Variants in CROCC2 observed in about 807,000 individuals in gnomAD.
CROCC2 encodes the protein ciliary rootlet coiled-coil, rootletin family member 2.
CROCC2 carries 163 observed loss-of-function variants against 177.6 expected under a neutral mutation model. That is an observed-to-expected ratio of 0.92 (90% CI 0.81 to 1.05). The LOEUF is 1.05. CROCC2 is among the 50% of genes least tolerant of loss of function. The pLI is 0.00. For synonymous variants in CROCC2, 904 were observed against 787.3 expected (o/e 1.15, Z -2.48); for missense variants, 1,929 against 1,797.8 (o/e 1.07, Z -1.32).
chr2:240,932,192 C>T (rs1189497434), intron 7 of CROCC2, 126 bp from the exon 8 acceptor site: 23 of 616,852 alleles, frequency 3.7e-5, no homozygotes, highest in Admixed American at 1.1e-4. Context: ...GCCACTCAGA[C>T]GGAGGCATCA....
intron 18 of CROCC2, among the ~76,000 whole-genome samples, chr2:240,952,163 TAGTGAAACCC>T (rs1220754281): frequency 6.6e-6 from 1 of 151,958 alleles, no homozygotes; most frequent in African/African-American, 2.4e-5. Context: ...CTGGCCAACA[TAGTGAAACCC>T]AGTCTCTACT....
chr2:240,963,509 G>T lies in CROCC2; in HGVS notation c.3088-47G>T, dbSNP rs564342324. On this transcript the variant is annotated intron_variant, in intron 20 of 31. Transcript: ENST00000690015. ...CCACAGGCCCCTGTGGCTATCCCTG[G>T]AGCAGTGGTCCCCAGCGGGCCTCTA... 2.5e-4 allele frequency: 374 copies of T among 1,466,892 alleles called. 5 individuals carry two copies. In the South Asian group the frequency reaches 4.5e-3, roughly 18 times the overall value. The allele number at this position is 1,466,892 out of a possible 1,614,324, so 90.9% of individuals were successfully genotyped here. A position where few individuals can be genotyped will look rare whatever the true frequency, so the allele number is the denominator to read the frequency against.
In CROCC2 at chr2:240,965,840, C is replaced by T. The variant is rs1157305987; in HGVS notation, c.3808C>T (p.His1270Tyr). 6.9e-7 allele frequency: 1 copy of T among 1,454,008 alleles called. No homozygotes were observed. Among genetic ancestry groups the T allele is most frequent in the East Asian group, 2.5e-5 (1 of 39,696 alleles). The allele number at this position is 1,454,008 out of a possible 1,614,324, so 90.1% of individuals were successfully genotyped here. A position where few individuals can be genotyped will look rare whatever the true frequency, so the allele number is the denominator to read the frequency against. The change falls in exon 24 of 32, where the codon CAC becomes TAC. Residue 1270 changes from histidine to tyrosine, a missense_variant. Coordinates refer to ENST00000690015, the MANE Select transcript of CROCC2 (RefSeq NM_001351305.2). The stretch of plus-strand genomic sequence containing the variant: ...CCTGGACCAGGCCTGTCACCGAATC[C>T]ACAGCCTGGAGCAGGAGCTGGCCCA... The part of the protein sequence containing the change: ...ARLDQACHRI[H>Y]SLEQELAQAE...
intron 15 of CROCC2, 149 bp downstream of exon 15, chr2:240,946,402 C>A: frequency 1.2e-6 from 1 of 832,118 alleles, no homozygotes; most frequent in Non-Finnish European, 1.8e-6. Context: ...TGGAGGCGAG[C>A]ACAGAGCCTT....
chr2:240,990,874 C>T (rs781317838), intron 30 of CROCC2, among the ~76,000 whole-genome samples: 5 of 152,074 alleles, frequency 3.3e-5, no homozygotes, highest in Non-Finnish European at 5.9e-5. Flanking sequence ...GGATTACAGG[C>T]GTGAGCCACT....
At position 240,953,540 on chromosome 2, in the gene CROCC2, G is replaced by A. The variant is rs927206096; in HGVS notation, c.2830-2319G>A. 2.0e-5 allele frequency among the ~76,000 whole-genome samples: 3 copies of A among 152,304 alleles called. No homozygotes were observed. Among genetic ancestry groups the A allele is most frequent in the South Asian group, 2.1e-4 (1 of 4,826 alleles). Reference sequence around the variant, plus strand: ...GGCACCCCAGGGGCACAGCACAGACGGGCTGGCCTGTGGGGAGCCCTTGCC... The same window carrying A: ...GGCACCCCAGGGGCACAGCACAGACAGGCTGGCCTGTGGGGAGCCCTTGCC... On this transcript the variant is annotated intron_variant, in intron 18 of 31. Transcript: ENST00000690015. The surrounding 1 kb of genome is among the most constrained non-coding windows in gnomAD (Gnocchi z 4.0).
intron 10 of CROCC2, 107 bp from the exon 11 acceptor site, chr2:240,933,563 T>C: frequency 1.1e-5 from 14 of 1,322,926 alleles, no homozygotes; most frequent in Non-Finnish European, 1.4e-5. Flanking sequence ...CCTCTGCCCA[T>C]GCAGTCTCAG....
At chr2:240,936,826 T>C (rs2059474102) in intron 14 of CROCC2, among the ~76,000 whole-genome samples, 1 of 152,244 alleles carries the variant, frequency 6.6e-6, no homozygotes, top group Admixed American at 6.5e-5. Context: ...TTATGTTGCA[T>C]TGTGTGACAC....
At chr2:240,916,242 T>C (rs1353222691) in intron 1 of CROCC2, among the ~76,000 whole-genome samples, 4 of 151,640 alleles carry the variant, frequency 2.6e-5, no homozygotes, top group Admixed American at 2.6e-4. Context: ...CTTCCCCTCC[T>C]CTCCCATCCC....
At chr2:240,920,222 CTGGG>C in intron 3 of CROCC2, 88 bp downstream of exon 3, 1 of 588,688 alleles carries the variant, frequency 1.7e-6, no homozygotes, top group South Asian at 2.0e-5. Flanking sequence ...CAGTCAGAGC[CTGGG>C]ACCATCGGCA....
intron 28 of CROCC2, 56 bp downstream of exon 28, chr2:240,983,085 TA>T: frequency 6.7e-7 from 1 of 1,498,422 alleles, no homozygotes; most frequent in Non-Finnish European, 9.0e-7. Context: ...TGAACAGGCC[TA>T]CAGGGAAGAG....
Position 240,932,815 on chromosome 2 carries a change from G to A in CROCC2, c.1158G>A (p.Gly386=). The A allele has an allele frequency of 1.3e-6, 2 of 1,536,630 alleles. No individual in the cohort carries two copies. Among genetic ancestry groups the A allele is most frequent in the East Asian group, 2.5e-5 (1 of 40,804 alleles). Residue 386 remains glycine (G), a synonymous_variant, in exon 9 of 32, where the codon GGG becomes GGA. Transcript: ENST00000690015. ...AACGTGCCACATCCCCCCATCAAGG[G>A]GCGTCCCCACCACACATCTGCTCCC... ...SPQRATSPHQ[G]ASPPHICSPA... is the part of the protein sequence containing the mutation.
intron 17 of CROCC2, among the ~76,000 whole-genome samples, chr2:240,950,085 T>G (rs1413364697): frequency 6.6e-6 from 1 of 152,166 alleles, no homozygotes; most frequent in South Asian, 2.1e-4. Flanking sequence ...GCAGGTGCAC[T>G]GCAGAGACTC....
rs1418962657 is a variant in CROCC2, at chr2:240,917,897, C to T, written c.79-829C>T. On this transcript the variant is annotated intron_variant, in intron 1 of 31. Coordinates refer to ENST00000690015, the MANE Select transcript of CROCC2 (RefSeq NM_001351305.2). This position sits in a 1 kb window ranked among gnomAD's most constrained non-coding sequence, Gnocchi z 4.9. ...TAATCTATTTCACCTGGCAGGAGTC[C>T]CCTGCCCTGGGGTCCCGGCCCTCCC... Among the ~76,000 whole-genome samples the T allele has an allele frequency of 2.6e-5, 4 of 152,148 alleles. No homozygotes were observed. Among genetic ancestry groups the T allele is most frequent in the African/African-American group, 9.7e-5 (4 of 41,438 alleles).
rs765654807 is a variant in CROCC2, at chr2:240,964,585, G to T, written c.3425G>T (p.Gly1142Val). 156 of 1,548,016 alleles carry T rather than the reference G, an allele frequency of 1.0e-4. No individual in the cohort carries two copies. The highest frequency in any genetic ancestry group is 1.2e-4 in the Non-Finnish European group (140 of 1,145,834). ...RAHLWELEQA[G>V]GDARQELREL... ...CACCTGTGGGAGCTGGAGCAGGCAG[G>T]GGGGGACGCCCGTCAGGAGCTCCGG... The change falls in exon 22 of 32, where the codon GGG becomes GTG. Residue 1142 changes from glycine (G) to valine (V), a missense_variant. Physicochemically the swap from Gly to Val is moderately radical, Grantham distance 109. This residue lies in a region of CROCC2 where 1,397 missense variants were observed against 1,239.9 expected (regional missense o/e 1.13). Coordinates refer to ENST00000690015, the MANE Select transcript of CROCC2 (RefSeq NM_001351305.2).
At position 240,965,371 on chromosome 2, in the gene CROCC2, A is replaced by T. The variant is rs901713992; in HGVS notation, c.3466-10A>T. On this transcript the variant is annotated splice_polypyrimidine_tract_variant and intron_variant, in intron 22 of 31. Coordinates refer to ENST00000690015, the MANE Select transcript of CROCC2 (RefSeq NM_001351305.2). Reference sequence around the variant, plus strand: ...CCAGTGACCCTGTCCGTGCGGCCCCACGCTCCCAGGTGAGGACACTGAAGG... The same window carrying T: ...CCAGTGACCCTGTCCGTGCGGCCCCTCGCTCCCAGGTGAGGACACTGAAGG... 1.3e-6 allele frequency: 2 copies of T among 1,549,076 alleles called. No individual in the cohort carries two copies. The highest frequency in any genetic ancestry group is 1.7e-6 in the Non-Finnish European group (2 of 1,146,790).
At chr2:240,937,396 A>T (rs1014307055) in intron 14 of CROCC2, among the ~76,000 whole-genome samples, 1 of 152,082 alleles carries the variant, frequency 6.6e-6, no homozygotes, top group Non-Finnish European at 1.5e-5. Context: ...AATATACAGG[A>T]ATTTATATAT....
At chr2:240,931,353 T>TC (rs2059430119) in intron 7 of CROCC2, among the ~76,000 whole-genome samples, 6 of 152,050 alleles carry the variant, frequency 3.9e-5, no homozygotes, top group African/African-American at 1.4e-4. Context: ...ACAGTGAGGG[T>TC]TTCAGGGAGC....
At position 240,972,186 on chromosome 2, in the gene CROCC2, A is replaced by G. The variant is rs2059725577; in HGVS notation, c.4401+3924A>G. 6.6e-6 allele frequency among the ~76,000 whole-genome samples: 1 copy of G among 152,066 alleles called. No homozygotes were observed. Among genetic ancestry groups the G allele is most frequent in the South Asian group, 2.1e-4 (1 of 4,820 alleles). Reference sequence around the variant, plus strand: ...GCCTCGTTTGAAGTTGGGAGTGGAGAGGAACCCATCAGGGACTTTATGTGT... The same window carrying G: ...GCCTCGTTTGAAGTTGGGAGTGGAGGGGAACCCATCAGGGACTTTATGTGT... On this transcript the variant is annotated intron_variant, in intron 27 of 31. Transcript: ENST00000690015. This position sits in a 1 kb window ranked among gnomAD's most constrained non-coding sequence, Gnocchi z 7.1.
Sources: allele counts gnomAD v4.1 joint callset (sites outside exome capture counted in the v4.1 genomes callset), GRCh38; gene constraint gnomAD v4.1.1; regional missense constraint gnomAD v4.1.1; non-coding constraint Gnocchi (gnomAD v3.1); transcripts MANE v1.5; gene names NCBI Gene and HGNC (gene_info 2026-07-23, HGNC 2026-07-21).